The following SLC35D2 variants were observed in gnomAD, a reference collection of about 807,000 sequenced individuals.
The protein encoded by SLC35D2 is solute carrier family 35 member D2.
In SLC35D2, 43 loss-of-function variants were observed where a neutral mutation model predicts 41.8. The observed-to-expected ratio is 1.03, with a 90% CI of 0.81 to 1.33. The LOEUF (loss-of-function observed/expected upper bound fraction) is 1.33. SLC35D2 is among the 40% of genes most tolerant of loss of function. SLC35D2 has a pLI of 0.00. For synonymous variants in SLC35D2, 150 were observed against 163.9 expected, an observed-to-expected ratio of 0.92 and a Z score of 0.65; for missense variants, 380 against 408.4, an observed-to-expected ratio of 0.93 and a Z score of 0.60.
rs1401526814 is a variant in SLC35D2, at chr9:96,383,676, T to G, written c.-42A>C. On this transcript the variant is annotated 5_prime_UTR_variant, in exon 1 of 12. Coordinates refer to ENST00000253270, the MANE Select transcript of SLC35D2 (RefSeq NM_007001.3). ...GACCCCGCCGCCCGCCAGCCCCGGCTGCGCACTGGTCCCGCCCGGCCGGGC... is the reference window on the plus strand; with the variant it reads ...GACCCCGCCGCCCGCCAGCCCCGGCGGCGCACTGGTCCCGCCCGGCCGGGC... 3 of 995,726 alleles carry G rather than the reference T, an allele frequency of 3.0e-6. No individual in the cohort carries two copies. Among genetic ancestry groups the G allele is most frequent in the Non-Finnish European group, 3.6e-6 (3 of 836,776 alleles). The allele number at this position is 995,726 out of a possible 1,614,324, so 61.7% of individuals were successfully genotyped here.
rs34633441 is a variant in SLC35D2 at position 96,358,080 on chromosome 9, T to TTATATATATATATATATA, written c.347+2056_347+2073dup. 2.3e-3 allele frequency among the ~76,000 whole-genome samples: 288 copies of TTATATATATATATATATA among 122,592 alleles called. 15 individuals are homozygous for TTATATATATATATATATA. Among genetic ancestry groups the TTATATATATATATATATA allele is most frequent in the African/African-American group, 9.6e-3 (246 of 25,532 alleles). The allele number at this position is 122,592 out of a possible 152,430, so 80.4% of individuals were successfully genotyped here. A position where few individuals can be genotyped will look rare whatever the true frequency, so the allele number is the denominator to read the frequency against. ...ATGGATAAACAAAATATTATATATT[T>TTATATATATATATATATA]TATATATATATATATATATATATAT... is the stretch of plus-strand genomic sequence containing the variant. On this transcript the variant is annotated intron_variant, in intron 4 of 11. Coordinates refer to ENST00000253270, the MANE Select transcript of SLC35D2 (RefSeq NM_007001.3).
At chr9:96,373,131 C>T (rs998565961) in intron 1 of SLC35D2, among the ~76,000 whole-genome samples, 1 of 152,006 alleles carries the variant, frequency 6.6e-6, no homozygotes, top group Middle Eastern at 3.2e-3. Context: ...AACTTCTGAC[C>T]TCAGGTGATC....
chr9:96,373,410 C>T (rs1334351860), intron 1 of SLC35D2, among the ~76,000 whole-genome samples: 7 of 152,054 alleles, frequency 4.6e-5, no homozygotes, highest in African/African-American at 1.2e-4. Context: ...GCCTCTCGGC[C>T]GGGAGTGGTA....
At chr9:96,345,778 G>A (rs1365886821) in intron 6 of SLC35D2, among the ~76,000 whole-genome samples, 1 of 152,184 alleles carries the variant, frequency 6.6e-6, no homozygotes, top group African/African-American at 2.4e-5. Flanking sequence ...CACCTCCAGG[G>A]TGCAGCCAGT....
intron 9 of SLC35D2, among the ~76,000 whole-genome samples, chr9:96,328,044 A>G (rs1828629778): frequency 6.6e-6 from 1 of 152,208 alleles, no homozygotes; most frequent in African/African-American, 2.4e-5. Flanking sequence ...AAAAACTTGC[A>G]TAGTTCTTTG....
At chr9:96,364,426 AT>A (rs1830399407) in intron 3 of SLC35D2, 37 bp downstream of exon 3, 1 of 1,211,378 alleles carries the variant, frequency 8.3e-7, no homozygotes. Flanking sequence ...GTATTTTCAC[AT>A]CTTCTATCAC....
chr9:96,325,039 A>G (rs1345039322), intron 9 of SLC35D2, among the ~76,000 whole-genome samples: 1 of 152,214 alleles, frequency 6.6e-6, no homozygotes, highest in Admixed American at 6.5e-5. Flanking sequence ...CCTTGGACGG[A>G]GGAGATTGAA....
chr9:96,352,057 G>C lies in SLC35D2; in HGVS notation c.400C>G (p.Leu134Val). 6.2e-7 allele frequency: 1 copy of C among 1,612,216 alleles called. No individual in the cohort carries two copies. The highest frequency in any genetic ancestry group is 1.1e-5 in the South Asian group (1 of 90,804). The change falls in exon 5 of 12, where the codon CTG (leucine) becomes GTG (valine). Residue 134 changes from leucine (L) to valine (V), a missense_variant. Leu to Val is a conservative substitution (Grantham distance 32). Transcript: ENST00000253270. ...AATCACCCAAGTATGATGGTTTCCAGAAGTAAGGTAAGTGGAATGGTGAAT... is the reference window on the plus strand; with the variant it reads ...AATCACCCAAGTATGATGGTTTCCACAAGTAAGGTAAGTGGAATGGTGAAT... ...RKFTIPLTLL[L>V]ETIILGKQYS...
chr9:96,351,148 A>G lies in SLC35D2; in HGVS notation c.443T>C (p.Ile148Thr). The change falls in exon 6 of 12, where the codon ATC (isoleucine) becomes ACC (threonine). Residue 148 changes from isoleucine to threonine, a missense_variant. Ile to Thr is a moderately conservative substitution (Grantham distance 89, BLOSUM62 -1). Coordinates refer to ENST00000253270, the MANE Select transcript of SLC35D2 (RefSeq NM_007001.3). ...GAGAATAATGGCAAAGACACTGAGG[A>G]TGATGTTGAGTGAATACTGCTTCCT... is the stretch of plus-strand genomic sequence containing the variant. ...ILGKQYSLNI[I>T]LSVFAIILGA... The G allele has an allele frequency of 6.2e-7, 1 of 1,612,220 alleles. No individual in the cohort carries two copies. Among genetic ancestry groups the G allele is most frequent in the Non-Finnish European group, 8.5e-7 (1 of 1,178,254 alleles).
At chr9:96,327,757 G>A (rs910511331) in intron 9 of SLC35D2, among the ~76,000 whole-genome samples, 1 of 151,798 alleles carries the variant, frequency 6.6e-6, no homozygotes, top group African/African-American at 2.4e-5. Context: ...AAGAAGCTGG[G>A]ACTACAGGTA....
chr9:96,360,121 G>A (rs754466919), intron 4 of SLC35D2, 33 bp downstream of exon 4: 2 of 1,550,192 alleles, frequency 1.3e-6, no homozygotes, highest in South Asian at 2.3e-5. Flanking sequence ...CAGAGGTGAG[G>A]AACTTTCCAC....
chr9:96,358,723 T>C (rs1385101918), intron 4 of SLC35D2, among the ~76,000 whole-genome samples: 1 of 152,214 alleles, frequency 6.6e-6, no homozygotes, highest in Non-Finnish European at 1.5e-5. Context: ...GTGTGGTGGC[T>C]CATGCCTGTA....
At chr9:96,361,934 G>C (rs554240362) in intron 3 of SLC35D2, among the ~76,000 whole-genome samples, 7 of 152,220 alleles carry the variant, frequency 4.6e-5, no homozygotes, top group African/African-American at 1.7e-4. Context: ...TTTTGTTACG[G>C]CAGCCTCAGC....
intron 4 of SLC35D2, among the ~76,000 whole-genome samples, chr9:96,352,314 T>A (rs919121471): frequency 5.9e-5 from 9 of 152,132 alleles, no homozygotes; most frequent in African/African-American, 1.2e-4. Context: ...TTTACTTATT[T>A]TTTATTTATT....
chr9:96,313,652 C>A (rs367763952), exon 12 of SLC35D2, among the ~76,000 whole-genome samples: 4 of 152,214 alleles, frequency 2.6e-5, no homozygotes, highest in African/African-American at 4.8e-5. Context: ...AACAAAGACA[C>A]TCCTCTTTGG....
At chr9:96,365,886 A>G (rs899002693) in intron 2 of SLC35D2, among the ~76,000 whole-genome samples, 2 of 152,202 alleles carry the variant, frequency 1.3e-5, no homozygotes, top group African/African-American at 4.8e-5. Flanking sequence ...CAACACGATT[A>G]TAATCCTATA....
intron 4 of SLC35D2, among the ~76,000 whole-genome samples, chr9:96,358,349 T>C (rs957007544): frequency 2.0e-5 from 3 of 151,728 alleles, no homozygotes; most frequent in African/African-American, 7.3e-5. Context: ...GATGATGAGT[T>C]TCAAATTCAA....
rs57531044 is a variant in SLC35D2 at position 96,350,347 on chromosome 9, C to CTTT, written c.488+753_488+755dup. Among the ~76,000 whole-genome samples the CTTT allele has an allele frequency of 1.2e-3, 108 of 91,016 alleles. 4 individuals carry two copies. The highest frequency in any genetic ancestry group is 2.6e-3 in the African/African-American group (53 of 20,062). The allele number at this position is 91,016 out of a possible 152,430, so 59.7% of individuals were successfully genotyped here. On this transcript the variant is annotated intron_variant, in intron 6 of 11. Transcript: ENST00000253270. ...CACGACGCCAGGCTAATTTTCTTTC[C>CTTT]TTTTTTTTTTTTTTTTTTTTTTTTT... is the stretch of plus-strand genomic sequence containing the variant.
rs920043703 is a variant in SLC35D2 at position 96,367,356 on chromosome 9, A to C, written c.192+916T>G. Among the ~76,000 whole-genome samples the C allele has an allele frequency of 3.9e-4, 59 of 152,196 alleles. 1 individual carries two copies. The highest frequency in any genetic ancestry group is 1.3e-4 in the Admixed American group (2 of 15,258). On this transcript the variant is annotated intron_variant, in intron 2 of 11. Transcript: ENST00000253270. ...TCCCTCTATGAATTAAATCAAAATC[A>C]AAACAAACAAACAAAAAACATTGGT...
Sources: gnomAD v4.1 joint callset for allele counts (sites outside exome capture counted in the v4.1 genomes callset) on GRCh38, gnomAD v4.1.1 for gene constraint, MANE v1.5 for transcripts, NCBI Gene and HGNC (gene_info 2026-07-23, HGNC 2026-07-21) for gene names.